Variants in THSD7B observed in about 807,000 individuals in gnomAD.
THSD7B encodes thrombospondin type 1 domain containing 7B.
A neutral mutation model predicts 213.6 loss-of-function variants in THSD7B; 138 were observed. The observed-to-expected ratio is 0.65, with a 90% CI of 0.56 to 0.74. The LOEUF (loss-of-function observed/expected upper bound fraction) is 0.74, where lower values mean the gene tolerates loss of function less well. THSD7B is among the 30% of genes least tolerant of loss of function. THSD7B has a pLI of 0.00. For missense variants in THSD7B, 1,931 were observed against 1,991.5 expected (o/e 0.97, Z 0.58); for synonymous variants, 742 against 687.0 (o/e 1.08, Z -1.25).
At chr2:137,032,282 G>A (rs1385878793) in intron 2 of THSD7B, among the ~76,000 whole-genome samples, 3 of 152,112 alleles carry the variant, frequency 2.0e-5, no homozygotes, top group Non-Finnish European at 4.4e-5. Context: ...CTCAGGTCTT[G>A]TCTGGTACAT....
At position 137,603,635 on chromosome 2, in the gene THSD7B, A is replaced by G. The variant is rs541438643; in HGVS notation, c.3424-12540A>G. Among the ~76,000 whole-genome samples, 89 of 152,342 alleles carry G rather than the reference A, an allele frequency of 5.8e-4. 1 individual carries two copies. Among genetic ancestry groups the G allele is most frequent in the Middle Eastern group, 3.4e-3 (1 of 294 alleles). ...AGTACTTGACATCCAAGAAGACAGC[A>G]AGAAGGAGATATCTGGATTTTGATC... On this transcript the variant is annotated intron_variant, in intron 17 of 27. Coordinates refer to ENST00000409968, the MANE Select transcript of THSD7B (RefSeq NM_001316349.2).
chr2:136,983,358 G>GACAGACACACACACAC (rs1553462388), intron 2 of THSD7B, among the ~76,000 whole-genome samples: 1 of 105,028 alleles, frequency 9.5e-6, no homozygotes, highest in African/African-American at 3.2e-5. Context: ...CAGACACACA[G>GACAGACACACACACAC]ACACACACAC....
chr2:137,023,192 T>C (rs1212069929), intron 2 of THSD7B, among the ~76,000 whole-genome samples: 1 of 152,190 alleles, frequency 6.6e-6, no homozygotes, highest in African/African-American at 2.4e-5. Context: ...TAGCAACCAC[T>C]GGAAGCTGCT....
At chr2:137,065,262 T>C (rs927029346) in intron 3 of THSD7B, among the ~76,000 whole-genome samples, 1 of 152,060 alleles carries the variant, frequency 6.6e-6, no homozygotes, top group African/African-American at 2.4e-5. Context: ...TATTTTATTT[T>C]ATTTGTAGCA....
intron 15 of THSD7B, among the ~76,000 whole-genome samples, chr2:137,527,674 C>T (rs1680304971): frequency 6.6e-6 from 1 of 151,928 alleles, no homozygotes; most frequent in Non-Finnish European, 1.5e-5. Flanking sequence ...CCCACATAGA[C>T]AATCAGCATG....
intron 17 of THSD7B, among the ~76,000 whole-genome samples, chr2:137,607,967 T>A (rs1682215251): frequency 6.6e-6 from 1 of 152,126 alleles, no homozygotes; most frequent in Admixed American, 6.6e-5. Flanking sequence ...AACTTCCTCT[T>A]TGCAGTAGGC....
chr2:136,961,042 C>T (rs1325385383), intron 2 of THSD7B, among the ~76,000 whole-genome samples: 8 of 128,654 alleles, frequency 6.2e-5, no homozygotes, highest in South Asian at 2.9e-4. Context: ...TGAGCCAAGA[C>T]CGCGCCACTG....
chr2:137,579,495 A>C, intron 17 of THSD7B, among the ~76,000 whole-genome samples: 1 of 152,048 alleles, frequency 6.6e-6, no homozygotes, highest in East Asian at 1.9e-4. Context: ...TTCCTAAATA[A>C]ATTAATATGC....
rs1049586796 is a variant in THSD7B at position 136,958,964 on chromosome 2, G to A, written c.139+76647G>A. ...AGGATTCAGACAGACGCACCTCAGAGGGTGTGGTAATGGTGATGGAGGTGC... is the reference window on the plus strand; with the variant it reads ...AGGATTCAGACAGACGCACCTCAGAAGGTGTGGTAATGGTGATGGAGGTGC... On this transcript the variant is annotated intron_variant, in intron 2 of 27. Transcript: ENST00000409968. 3.9e-5 allele frequency among the ~76,000 whole-genome samples: 6 copies of A among 152,164 alleles called. No individual in the cohort carries two copies. In the South Asian group the frequency reaches 6.2e-4, roughly 16 times the overall value.
intron 17 of THSD7B, among the ~76,000 whole-genome samples, chr2:137,612,237 T>G (rs1264484010): frequency 6.6e-6 from 1 of 152,180 alleles, no homozygotes; most frequent in African/African-American, 2.4e-5. Flanking sequence ...TGCAATGTAA[T>G]TTTTGCTGAT....
intron 2 of THSD7B, among the ~76,000 whole-genome samples, chr2:137,018,543 C>T (rs570326997): frequency 3.9e-5 from 6 of 152,176 alleles, no homozygotes; most frequent in Non-Finnish European, 5.9e-5. Flanking sequence ...ATGCTTTCAA[C>T]AAATAAAATA....
At chr2:137,510,686 C>G (rs1246932338) in intron 15 of THSD7B, among the ~76,000 whole-genome samples, 4 of 152,116 alleles carry the variant, frequency 2.6e-5, no homozygotes, top group African/African-American at 9.7e-5. Flanking sequence ...TTAGCAATTT[C>G]AGTGTCTCCT....
chr2:137,375,921 C>T (rs1402128819), intron 12 of THSD7B, among the ~76,000 whole-genome samples: 2 of 152,156 alleles, frequency 1.3e-5, no homozygotes, highest in Non-Finnish European at 2.9e-5. Context: ...AGCATGACTA[C>T]TCATACTGAT....
At chr2:137,486,691 T>A (rs1420997990) in intron 15 of THSD7B, among the ~76,000 whole-genome samples, 3 of 152,042 alleles carry the variant, frequency 2.0e-5, no homozygotes, top group African/African-American at 7.2e-5. Context: ...AGAATATACA[T>A]TTTTGTCAGC....
intron 1 of THSD7B, among the ~76,000 whole-genome samples, chr2:136,806,891 A>G (rs887219509): frequency 6.6e-6 from 1 of 152,074 alleles, no homozygotes; most frequent in Non-Finnish European, 1.5e-5. Context: ...GGACCTTGGC[A>G]GTTTTGAAGA....
rs80193189 is a variant in THSD7B at position 137,288,612 on chromosome 2, C to T, written c.2500+12586C>T. On this transcript the variant is annotated intron_variant, in intron 12 of 27. Transcript: ENST00000409968. Reference sequence around the variant, plus strand: ...GGGACTTAACAGCTAACTTTATGTACAGAGCACAGGATAGTGATGAGTTGA... The same window carrying T: ...GGGACTTAACAGCTAACTTTATGTATAGAGCACAGGATAGTGATGAGTTGA... Among the ~76,000 whole-genome samples the T allele has an allele frequency of 5.4e-3, 815 of 152,026 alleles. 4 individuals carry two copies. The highest frequency in any genetic ancestry group is 0.019 in the African/African-American group (774 of 41,484).
At chr2:137,285,045 G>T (rs538163715) in intron 12 of THSD7B, among the ~76,000 whole-genome samples, 1 of 152,054 alleles carries the variant, frequency 6.6e-6, no homozygotes, top group Non-Finnish European at 1.5e-5. Context: ...AAGTCTCTTC[G>T]TAGGTCACTA....
chr2:137,302,024 T>A (rs1683617076), intron 12 of THSD7B, among the ~76,000 whole-genome samples: 1 of 152,098 alleles, frequency 6.6e-6, no homozygotes, highest in Admixed American at 6.5e-5. Context: ...GGAATGATGA[T>A]GTGACTTGGA....
chr2:137,581,502 C>T (rs1182843404), intron 17 of THSD7B, among the ~76,000 whole-genome samples: 6 of 151,952 alleles, frequency 3.9e-5, no homozygotes, highest in South Asian at 2.1e-4. Flanking sequence ...GCAGGACACA[C>T]GGGAGGCTGA....
Sources: allele counts gnomAD v4.1 joint callset (sites outside exome capture counted in the v4.1 genomes callset), GRCh38; gene constraint gnomAD v4.1.1; transcripts MANE v1.5; gene names NCBI Gene and HGNC (gene_info 2026-07-23, HGNC 2026-07-21).